ST18: variants seen among roughly 807,000 people sequenced by gnomAD.
ST18 encodes the protein ST18 C2H2C-type zinc finger transcription factor, also known as suppression of tumorigenicity 18 protein.
A neutral mutation model predicts 110.0 loss-of-function variants in ST18; 50 were observed. That is an observed-to-expected ratio of 0.45 (90% CI 0.36 to 0.58). The LOEUF is 0.58. ST18 is among the 20% of genes least tolerant of loss of function. The pLI, the probability that ST18 is intolerant of heterozygous loss-of-function variation, is 0.00. For missense variants in ST18, 1,306 were observed against 1,280.1 expected, an observed-to-expected ratio of 1.02 and a Z score of -0.31; for synonymous variants, 461 against 452.4, an observed-to-expected ratio of 1.02 and a Z score of -0.24.
At chr8:52,367,270 A>ACACACACACACACACACACACACAC (rs55935866) in intron 2 of ST18, among the ~76,000 whole-genome samples, 2 of 150,704 alleles carry the variant, frequency 1.3e-5, no homozygotes, top group African/African-American at 2.4e-5. Context: ...ACACACACAC[A>ACACACACACACACACACACACACAC]AAGATTTTAC....
chr8:52,180,441 C>T (rs375762428), intron 8 of ST18, 129 bp from the exon 9 acceptor site: 4 of 950,546 alleles, frequency 4.2e-6, no homozygotes, highest in Non-Finnish European at 3.1e-6. Flanking sequence ...TGGTTACTGG[C>T]ACTAACAAAA....
At chr8:52,274,946 C>T (rs1369602833) in intron 2 of ST18, among the ~76,000 whole-genome samples, 1 of 152,040 alleles carries the variant, frequency 6.6e-6, no homozygotes, top group African/African-American at 2.4e-5. Flanking sequence ...ATATACAGAA[C>T]ATTGTTTATA....
chr8:52,256,015 G>C (rs1244992363), intron 2 of ST18, among the ~76,000 whole-genome samples: 3 of 152,188 alleles, frequency 2.0e-5, no homozygotes, highest in African/African-American at 7.2e-5. Context: ...TTCCTTCCAA[G>C]GAACAGGAAG....
At chr8:52,316,596 T>C (rs1351583841) in intron 2 of ST18, among the ~76,000 whole-genome samples, 1 of 152,248 alleles carries the variant, frequency 6.6e-6, no homozygotes, top group Non-Finnish European at 1.5e-5. Context: ...TGGGTGTTAC[T>C]GTAGACATTT....
chr8:52,155,807 C>A (rs1198438500), intron 15 of ST18, among the ~76,000 whole-genome samples: 3 of 152,104 alleles, frequency 2.0e-5, no homozygotes, highest in Admixed American at 6.5e-5. Context: ...AGCTTGGAGT[C>A]TGTTGTGAGA....
intron 17 of ST18, among the ~76,000 whole-genome samples, chr8:52,139,988 G>A (rs1211248766): frequency 6.6e-6 from 1 of 152,166 alleles, no homozygotes; most frequent in African/African-American, 2.4e-5. Context: ...CTGGAAGAAA[G>A]AAACTAGCTA....
intron 2 of ST18, among the ~76,000 whole-genome samples, chr8:52,271,239 C>T (rs963468050): frequency 2.6e-5 from 4 of 152,256 alleles, no homozygotes; most frequent in Non-Finnish European, 5.9e-5. Flanking sequence ...AAATACTGCA[C>T]CAAAGTGTAT....
chr8:52,140,547 TGATAGATAGATA>T (rs56988793), intron 17 of ST18, among the ~76,000 whole-genome samples: 2,344 of 147,448 alleles, frequency 0.016, 54 homozygotes, highest in African/African-American at 0.051. Flanking sequence ...AGATGATAGA[TGATAGATAGATA>T]GATAGATAGA....
At chr8:52,387,798 T>TC (rs1250642722) in intron 2 of ST18, among the ~76,000 whole-genome samples, 3 of 152,170 alleles carry the variant, frequency 2.0e-5, no homozygotes, top group Non-Finnish European at 1.5e-5. Flanking sequence ...TGCAAAATGT[T>TC]TTTTTAAAAG....
intron 2 of ST18, among the ~76,000 whole-genome samples, chr8:52,242,490 C>G (rs1313580502): frequency 6.6e-6 from 1 of 152,182 alleles, no homozygotes; most frequent in Admixed American, 6.5e-5. Flanking sequence ...CTGACCTTAC[C>G]TTATAGACTG....
chr8:52,360,705 G>A (rs1002296843), intron 2 of ST18, among the ~76,000 whole-genome samples: 2 of 152,122 alleles, frequency 1.3e-5, no homozygotes, highest in African/African-American at 4.8e-5. Flanking sequence ...TTATACCCAT[G>A]TGTTAGAAGG....
chr8:52,137,321 T>C (rs1176261912), intron 18 of ST18, 100 bp downstream of exon 18: 7 of 1,267,504 alleles, frequency 5.5e-6, no homozygotes, highest in Non-Finnish European at 7.7e-6. Context: ...AACCAACTCA[T>C]TTCCTGCTTC....
intron 2 of ST18, among the ~76,000 whole-genome samples, chr8:52,359,755 C>A (rs1824847622): frequency 6.6e-6 from 1 of 152,084 alleles, no homozygotes; most frequent in Non-Finnish European, 1.5e-5. Flanking sequence ...CTCTGAGGAG[C>A]AAAAAATAAA....
chr8:52,392,948 T>C (rs1300621239), intron 2 of ST18, among the ~76,000 whole-genome samples: 1 of 152,308 alleles, frequency 6.6e-6, no homozygotes, highest in East Asian at 1.9e-4. Context: ...CCATCTGTGA[T>C]GCTGTGTAAA....
chr8:52,130,464 T>C (rs1318244762), intron 22 of ST18, among the ~76,000 whole-genome samples: 2 of 152,088 alleles, frequency 1.3e-5, no homozygotes, highest in Non-Finnish European at 2.9e-5. Flanking sequence ...GCACTACTTA[T>C]TTACCCACTC....
chr8:52,354,862 C>T (rs1284607084), intron 2 of ST18, among the ~76,000 whole-genome samples: 1 of 152,224 alleles, frequency 6.6e-6, no homozygotes, highest in Non-Finnish European at 1.5e-5. Flanking sequence ...GTGCTTGGTG[C>T]TAGAGCACAA....
chr8:52,317,728 G>T (rs1443826282), intron 2 of ST18, among the ~76,000 whole-genome samples: 1 of 152,012 alleles, frequency 6.6e-6, no homozygotes, highest in African/African-American at 2.4e-5. Context: ...TTCATTTAAG[G>T]CTATAAATTT....
intron 22 of ST18, among the ~76,000 whole-genome samples, chr8:52,129,961 T>C (rs879879972): frequency 4.6e-5 from 7 of 151,348 alleles, no homozygotes; most frequent in Non-Finnish European, 8.8e-5. Flanking sequence ...AGAAGAATCA[T>C]TTGAACTGGG....
At chr8:52,319,314 C>T (rs989576207) in intron 2 of ST18, among the ~76,000 whole-genome samples, 2 of 152,016 alleles carry the variant, frequency 1.3e-5, no homozygotes, top group African/African-American at 2.4e-5. Flanking sequence ...ATTAACCATG[C>T]CATTCAAATC....
Sources: gnomAD v4.1 joint callset for allele counts (sites outside exome capture counted in the v4.1 genomes callset) on GRCh38, gnomAD v4.1.1 for gene constraint, MANE v1.5 for transcripts, NCBI Gene and HGNC (gene_info 2026-07-23, HGNC 2026-07-21) for gene names.